Variants in PPP2R2C observed in about 807,000 individuals in gnomAD.
The protein encoded by PPP2R2C is protein phosphatase 2, regulatory subunit B, gamma.
In PPP2R2C, 10 loss-of-function variants were observed where a neutral mutation model predicts 45.3. That is an observed-to-expected ratio of 0.22 (90% CI 0.14 to 0.37). The LOEUF (loss-of-function observed/expected upper bound fraction) is 0.37. Among genes scored for constraint, PPP2R2C ranks in the 10% least tolerant of loss-of-function variants. The pLI, the probability that PPP2R2C is intolerant of heterozygous loss-of-function variation, is 1.00. For synonymous variants in PPP2R2C, 257 were observed against 245.4 expected, an observed-to-expected ratio of 1.05 and a Z score of -0.44; for missense variants, 308 against 619.7, an observed-to-expected ratio of 0.50 and a Z score of 5.34.
intron 6 of PPP2R2C, among the ~76,000 whole-genome samples, chr4:6,339,644 G>A (rs1006857748): frequency 6.6e-6 from 1 of 152,256 alleles, no homozygotes; most frequent in Non-Finnish European, 1.5e-5. Context: ...ATGCATTCAG[G>A]GACAAGTGCA....
chr4:6,329,385 G>A lies in PPP2R2C; in HGVS notation c.961-32C>T, dbSNP rs1307734728. On this transcript the variant is annotated intron_variant, in intron 7 of 8. Transcript: ENST00000382599. The surrounding 1 kb of genome is among the most constrained non-coding windows in gnomAD (Gnocchi z 5.8). ...GGATAAGGGATGAGGTGAGTGGACGGGGCGTCCCGACCATCCTGGCCCTTC... is the reference window on the plus strand; with the variant it reads ...GGATAAGGGATGAGGTGAGTGGACGAGGCGTCCCGACCATCCTGGCCCTTC... The A allele has an allele frequency of 6.3e-7, 1 of 1,582,202 alleles. No homozygotes were observed.
chr4:6,335,407 C>A (rs144569127), intron 6 of PPP2R2C, among the ~76,000 whole-genome samples: 1 of 151,896 alleles, frequency 6.6e-6, no homozygotes, highest in East Asian at 1.9e-4. Flanking sequence ...GCAGAAGGGA[C>A]GGCACACGCA....
At chr4:6,467,817 ACT>A (rs1721667830) in intron 1 of PPP2R2C, among the ~76,000 whole-genome samples, 1 of 152,092 alleles carries the variant, frequency 6.6e-6, no homozygotes, top group Non-Finnish European at 1.5e-5. Flanking sequence ...GATCTCACTC[ACT>A]CTCTGCCCTG....
At position 6,375,799 on chromosome 4, in the gene PPP2R2C, TC is replaced by T; in HGVS notation, c.447+19del. 1 of 1,566,520 alleles carries T rather than the reference TC, an allele frequency of 6.4e-7. No homozygotes were observed. Among genetic ancestry groups the T allele is most frequent in the Non-Finnish European group, 8.7e-7 (1 of 1,143,894 alleles). ...TGTAATAAAGAGGCGTGTGCCTGCT[TC>T]CCCCTCACCGGAGCTCACCTGCAGT... On this transcript the variant is annotated intron_variant, in intron 4 of 8. Transcript: ENST00000382599.
chr4:6,361,767 T>TGGG (rs1271986976), intron 5 of PPP2R2C, among the ~76,000 whole-genome samples: 2 of 152,126 alleles, frequency 1.3e-5, no homozygotes, highest in Non-Finnish European at 2.9e-5. Context: ...AGAGCTGGGA[T>TGGG]GTGCACCCAG....
intron 2 of PPP2R2C, among the ~76,000 whole-genome samples, chr4:6,518,352 G>T (rs749283153): frequency 6.6e-6 from 1 of 151,998 alleles, no homozygotes; most frequent in African/African-American, 2.4e-5. Flanking sequence ...GAAAATTAAT[G>T]AAATCAAAAA....
At chr4:6,385,151 C>A (rs767507120) in intron 1 of PPP2R2C, among the ~76,000 whole-genome samples, 1 of 152,146 alleles carries the variant, frequency 6.6e-6, no homozygotes, top group Non-Finnish European at 1.5e-5. Context: ...TGCAATGTGG[C>A]GATGGATCTG....
At chr4:6,354,794 G>A (rs764821180) in intron 5 of PPP2R2C, among the ~76,000 whole-genome samples, 30 of 152,184 alleles carry the variant, frequency 2.0e-4, no homozygotes, top group Non-Finnish European at 3.2e-4. Context: ...GCGTGATTGC[G>A]AATCCAGCTT....
chr4:6,446,267 C>A (rs1720412794), intron 1 of PPP2R2C, among the ~76,000 whole-genome samples: 1 of 152,166 alleles, frequency 6.6e-6, no homozygotes, highest in African/African-American at 2.4e-5. Context: ...AAGGGCTGAG[C>A]TTCCCTCCCC....
At position 6,351,293 on chromosome 4, in the gene PPP2R2C, A is replaced by T. The variant is rs1442874828; in HGVS notation, c.626-3283T>A. ...GCGCCACTGCACTCCAGACTGGGTG[A>T]CAGAGCAAGACTCCATCTCAAAAAT... is the stretch of plus-strand genomic sequence containing the variant. On this transcript the variant is annotated intron_variant, in intron 5 of 8. Coordinates refer to ENST00000382599, the MANE Select transcript of PPP2R2C (RefSeq NM_020416.4). The T allele has an allele frequency of 3.6e-6, 3 of 823,964 alleles. No individual in the cohort carries two copies. The African/African-American group carries it at 5.6e-5, about 15-fold the overall frequency. The allele number at this position is 823,964 out of a possible 1,614,324, so 51.0% of individuals were successfully genotyped here. A position where few individuals can be genotyped will look rare whatever the true frequency, so the allele number is the denominator to read the frequency against.
At position 6,382,634 on chromosome 4, in the gene PPP2R2C, C is replaced by G. The variant is rs1715890926; in HGVS notation, c.71-1540G>C. ...TTGGAGTTTCTCGTTCTCTCTCTCT[C>G]TCTCTCTCTCTCTCTCTCTCTCTCT... On this transcript the variant is annotated intron_variant, in intron 1 of 8. Transcript: ENST00000382599. The G allele has an allele frequency of 4.3e-5, 3 of 69,006 alleles. 1 individual carries two copies. Among genetic ancestry groups the G allele is most frequent in the Non-Finnish European group, 8.7e-5 (3 of 34,518 alleles). The allele number at this position is 69,006 out of a possible 1,614,324, so 4.3% of individuals were successfully genotyped here. A position where few individuals can be genotyped will look rare whatever the true frequency, so the allele number is the denominator to read the frequency against.
At chr4:6,547,572 T>G (rs974599286) in intron 1 of PPP2R2C, among the ~76,000 whole-genome samples, 1 of 152,058 alleles carries the variant, frequency 6.6e-6, no homozygotes, top group Non-Finnish European at 1.5e-5. Context: ...ATAAACGCTC[T>G]GCGGATTTCT....
intron 2 of PPP2R2C, among the ~76,000 whole-genome samples, chr4:6,521,563 C>T (rs1350587134): frequency 6.6e-6 from 1 of 152,192 alleles, no homozygotes; most frequent in African/African-American, 2.4e-5. Context: ...CATCTCCCTG[C>T]GTATGCACTT....
chr4:6,453,299 C>G (rs965032368), intron 1 of PPP2R2C, among the ~76,000 whole-genome samples: 1 of 152,160 alleles, frequency 6.6e-6, no homozygotes, highest in African/African-American at 2.4e-5. Flanking sequence ...CCCTCTCCAC[C>G]CTGAAGATGT....
chr4:6,517,796 G>C (rs1159859418), intron 2 of PPP2R2C, among the ~76,000 whole-genome samples: 1 of 152,170 alleles, frequency 6.6e-6, no homozygotes, highest in Non-Finnish European at 1.5e-5. Context: ...CTGGAAGCCA[G>C]GTAGACAGGG....
chr4:6,525,561 C>T (rs903661234), intron 2 of PPP2R2C, among the ~76,000 whole-genome samples: 6 of 152,266 alleles, frequency 3.9e-5, no homozygotes, highest in Admixed American at 1.3e-4. Context: ...CTGCATTATA[C>T]CCCCTCCTTC....
chr4:6,420,039 C>A (rs775417067), intron 1 of PPP2R2C, among the ~76,000 whole-genome samples: 1 of 152,218 alleles, frequency 6.6e-6, no homozygotes, highest in African/African-American at 2.4e-5. Flanking sequence ...CACATTTAAA[C>A]GCACGACAGT....
intron 2 of PPP2R2C, among the ~76,000 whole-genome samples, chr4:6,488,317 G>C (rs559908579): frequency 1.3e-5 from 2 of 152,146 alleles, no homozygotes; most frequent in Admixed American, 1.3e-4. Flanking sequence ...TGCCTTTTAG[G>C]GTGCTGGATT....
intron 5 of PPP2R2C, chr4:6,350,681 C>A: frequency 1.0e-6 from 1 of 985,190 alleles, no homozygotes. Flanking sequence ...AAGGGGAGAC[C>A]TCTCCTTCGG....
Sources: gnomAD v4.1 joint callset for allele counts (sites outside exome capture counted in the v4.1 genomes callset) on GRCh38, gnomAD v4.1.1 for gene constraint, Gnocchi (gnomAD v3.1) non-coding constraint, MANE v1.5 for transcripts, NCBI Gene and HGNC (gene_info 2026-07-23, HGNC 2026-07-21) for gene names.